Variants in LRFN2 observed in about 807,000 individuals in gnomAD.
The protein encoded by LRFN2 is leucine rich repeat and fibronectin type III domain containing 2, also known as leucine-rich repeat and fibronectin type-III domain-containing protein 2.
LRFN2 carries 18 observed loss-of-function variants against 37.3 expected under a neutral mutation model. The observed-to-expected ratio is 0.48, with a 90% CI of 0.33 to 0.72. The LOEUF is 0.72. Ranked by LOEUF, LRFN2 falls within the 30% of genes least tolerant of loss-of-function variation. The pLI is 0.02. For missense variants in LRFN2, 1,006 were observed against 1,060.7 expected (o/e 0.95, Z 0.72); for synonymous variants, 556 against 466.6 (o/e 1.19, Z -2.47).
chr6:40,547,659 A>G (rs1165536194), intron 1 of LRFN2, among the ~76,000 whole-genome samples: 2 of 152,080 alleles, frequency 1.3e-5, no homozygotes, highest in Non-Finnish European at 1.5e-5. Context: ...GGGAAGATCA[A>G]CAGAAGATGG....
intron 2 of LRFN2, among the ~76,000 whole-genome samples, 168 bp downstream of exon 2, chr6:40,431,543 ATGT>A (rs1763481724): frequency 6.6e-6 from 1 of 151,952 alleles, no homozygotes; most frequent in Non-Finnish European, 1.5e-5. Flanking sequence ...CTTGTAGTTG[ATGT>A]TCTTTTTATC....
In LRFN2 at chr6:40,583,213, C is replaced by CATATATACATATATAGTATATATACACA. The variant is rs56833551; in HGVS notation, c.-19+3727_-19+3728insTGTGTATATATACTATATATGTATATAT. 1.1e-3 allele frequency among the ~76,000 whole-genome samples: 158 copies of CATATATACATATATAGTATATATACACA among 143,674 alleles called. 4 individuals carry two copies. The highest frequency in any genetic ancestry group is 3.5e-3 in the African/African-American group (129 of 37,300). The allele number at this position is 143,674 out of a possible 152,430, so 94.3% of individuals were successfully genotyped here. On this transcript the variant is annotated intron_variant, in intron 1 of 2. Transcript: ENST00000338305. ...GTGTATATATAGACATATATATACA[C>CATATATACATATATAGTATATATACACA]TATATACATATATAGTATATATACA...
In LRFN2 at chr6:40,433,079, C is replaced by T. The variant is rs1224218936; in HGVS notation, c.35G>A (p.Gly12Asp). 6.5e-7 allele frequency: 1 copy of T among 1,531,298 alleles called. No homozygotes were observed. Among genetic ancestry groups the T allele is most frequent in the Non-Finnish European group, 8.8e-7 (1 of 1,140,524 alleles). The allele number at this position is 1,531,298 out of a possible 1,614,324, so 94.9% of individuals were successfully genotyped here. A position where few individuals can be genotyped will look rare whatever the true frequency, so the allele number is the denominator to read the frequency against. Reference sequence around the variant, plus strand: ...GGCGTCGACCACGGCAAACGCCATGCCAAACGCTAGCAGGCCACCAAGCAG... The same window carrying T: ...GGCGTCGACCACGGCAAACGCCATGTCAAACGCTAGCAGGCCACCAAGCAG... ...ETLLGGLLAF[G>D]MAFAVVDACP... The change falls in exon 2 of 3, where the codon GGC becomes GAC. Residue 12 changes from glycine to aspartate, a missense_variant. Transcript: ENST00000338305.
intron 2 of LRFN2, among the ~76,000 whole-genome samples, chr6:40,399,280 G>A (rs929326765): frequency 4.6e-5 from 7 of 151,482 alleles, no homozygotes; most frequent in Non-Finnish European, 7.4e-5. Flanking sequence ...GTGGCTCCCA[G>A]CTGTTGCTAA....
At chr6:40,522,869 C>T (rs1215130525) in intron 1 of LRFN2, among the ~76,000 whole-genome samples, 2 of 152,206 alleles carry the variant, frequency 1.3e-5, no homozygotes, top group African/African-American at 4.8e-5. Context: ...GTGACTCTGT[C>T]CTCTGTATGA....
At chr6:40,495,943 G>A (rs1444075589) in intron 1 of LRFN2, among the ~76,000 whole-genome samples, 1 of 152,020 alleles carries the variant, frequency 6.6e-6, no homozygotes, top group Non-Finnish European at 1.5e-5. Flanking sequence ...ACCTCCACTT[G>A]GATATCTATT....
At chr6:40,447,311 G>T (rs900022098) in intron 1 of LRFN2, among the ~76,000 whole-genome samples, 3 of 152,186 alleles carry the variant, frequency 2.0e-5, no homozygotes, top group African/African-American at 7.2e-5. Context: ...TGTAAATGAG[G>T]ACATTAATTA....
intron 1 of LRFN2, among the ~76,000 whole-genome samples, chr6:40,551,498 G>A (rs886827696): frequency 4.6e-5 from 7 of 152,290 alleles, no homozygotes; most frequent in South Asian, 2.1e-4. Context: ...ACCCTTGATC[G>A]TTTCAACTAG....
chr6:40,581,018 ATGTG>A (rs1382619842), intron 1 of LRFN2, among the ~76,000 whole-genome samples: 1 of 151,964 alleles, frequency 6.6e-6, no homozygotes, highest in Non-Finnish European at 1.5e-5. Flanking sequence ...GTGTGTATGA[ATGTG>A]TGTGTATGTG....
At position 40,432,734 on chromosome 6, in the gene LRFN2, T is replaced by C. The variant is rs1334057389; in HGVS notation, c.380A>G (p.Gln127Arg). The C allele has an allele frequency of 6.2e-7, 1 of 1,614,188 alleles. No individual in the cohort carries two copies. The highest frequency in any genetic ancestry group is 1.1e-5 in the South Asian group (1 of 91,078). ...CTGGTTGTTGTTCACGATAAGGTGC[T>C]GCAGGTTGACCAGGCCCCGGAGGGT... ...EDTLRGLVNL[Q>R]HLIVNNNQLG... Residue 127 changes from glutamine to arginine, a missense_variant, in exon 2 of 3, where the codon CAG becomes CGG. Transcript: ENST00000338305.
intron 1 of LRFN2, among the ~76,000 whole-genome samples, chr6:40,563,146 C>T (rs1486013622): frequency 6.6e-6 from 1 of 152,064 alleles, no homozygotes; most frequent in Non-Finnish European, 1.5e-5. Context: ...TGTGTAGAGA[C>T]CCCTCCGTGC....
At chr6:40,397,875 C>T (rs768836641) in intron 2 of LRFN2, among the ~76,000 whole-genome samples, 7 of 151,766 alleles carry the variant, frequency 4.6e-5, no homozygotes, top group Non-Finnish European at 8.8e-5. Context: ...GGATGCCGGC[C>T]CATGGACTGT....
chr6:40,509,779 A>T (rs1260898599), intron 1 of LRFN2, among the ~76,000 whole-genome samples: 2 of 150,792 alleles, frequency 1.3e-5, no homozygotes, highest in Non-Finnish European at 3.0e-5. Context: ...CTGTGCAGGC[A>T]GTGGGGTGGG....
chr6:40,526,801 T>G (rs755455628), intron 1 of LRFN2, among the ~76,000 whole-genome samples: 1 of 152,188 alleles, frequency 6.6e-6, no homozygotes, highest in Non-Finnish European at 1.5e-5. Flanking sequence ...TTAGCCCACA[T>G]TTTAAGATGA....
Position 40,536,642 on chromosome 6 carries a change from G to A in LRFN2, c.-19+50299C>T, listed in dbSNP as rs755469488. Reference sequence around the variant, plus strand: ...GTGCAGCTGGAGGAACTCAGGACCCGTCCCGCAGAGTGCTGGGAGAGCTTG... The same window carrying A: ...GTGCAGCTGGAGGAACTCAGGACCCATCCCGCAGAGTGCTGGGAGAGCTTG... On this transcript the variant is annotated intron_variant, in intron 1 of 2. Transcript: ENST00000338305. 7.3e-4 allele frequency among the ~76,000 whole-genome samples: 111 copies of A among 152,164 alleles called. 1 individual carries two copies. The highest frequency in any genetic ancestry group is 3.3e-4 in the Admixed American group (5 of 15,282).
chr6:40,420,848 G>A (rs1300250910), intron 2 of LRFN2, among the ~76,000 whole-genome samples: 1 of 152,208 alleles, frequency 6.6e-6, no homozygotes, highest in South Asian at 2.1e-4. Context: ...TTTGGGAGGT[G>A]GGCTCAGGAA....
intron 1 of LRFN2, among the ~76,000 whole-genome samples, chr6:40,481,686 C>T (rs9380961): frequency 0.11 from 17,138 of 152,012 alleles, 2,030 homozygotes; most frequent in African/African-American, 0.3. Flanking sequence ...GGATAGGGCT[C>T]GCCTGTCCCT....
Position 40,566,530 on chromosome 6 carries a change from TA to T in LRFN2, c.-19+20410del, listed in dbSNP as rs1469803447. On this transcript the variant is annotated intron_variant, in intron 1 of 2. Coordinates refer to ENST00000338305, the MANE Select transcript of LRFN2 (RefSeq NM_020737.3). ...CTGGATTAAGAAAATGTGGCACATA[TA>T]CACCATGGAATACTATGCAGCCATA... Among the ~76,000 whole-genome samples, 4 of 151,882 alleles carry T rather than the reference TA, an allele frequency of 2.6e-5. No individual in the cohort carries two copies. In the South Asian group the frequency reaches 6.3e-4, roughly 24 times the overall value.
In LRFN2 at chr6:40,472,623, A is replaced by G. The variant is rs1045965817; in HGVS notation, c.-18-39492T>C. ...GGATTTGTGCACTTCCCTCCTCCTG[A>G]TGCTGGTGTGGCTCAAGCCACTTCA... On this transcript the variant is annotated intron_variant, in intron 1 of 2. Transcript: ENST00000338305. Among the ~76,000 whole-genome samples, 5 of 152,118 alleles carry G rather than the reference A, an allele frequency of 3.3e-5. No homozygotes were observed. The South Asian group carries it at 6.2e-4, about 19-fold the overall frequency.
Sources: allele counts gnomAD v4.1 joint callset (sites outside exome capture counted in the v4.1 genomes callset), GRCh38; gene constraint gnomAD v4.1.1; transcripts MANE v1.5; gene names NCBI Gene and HGNC (gene_info 2026-07-23, HGNC 2026-07-21).